NTRK3: variants seen among roughly 807,000 people sequenced by gnomAD.
The protein encoded by NTRK3 is NT-3 growth factor receptor.
In NTRK3, 24 loss-of-function variants were observed where a neutral mutation model predicts 91.7. The observed-to-expected ratio is 0.26, with a 90% CI of 0.19 to 0.37. NTRK3 has a LOEUF of 0.37. Ranked by LOEUF, NTRK3 falls within the 10% of genes least tolerant of loss-of-function variation. The probability of loss-of-function intolerance (pLI) is 1.00; values close to 1 mark genes in which losing one functional copy is unlikely to be tolerated. For synonymous variants in NTRK3, 483 were observed against 404.0 expected (o/e 1.20, Z -2.34); for missense variants, 880 against 1,068.9 (o/e 0.82, Z 2.46).
At position 87,886,697 on chromosome 15, in the gene NTRK3, T is replaced by TATATATATATATATATATAC. The variant is rs1335887821; in HGVS notation, c.2134-6270_2134-6269insGTATATATATATATATATAT. Among the ~76,000 whole-genome samples, 305 of 135,796 alleles carry TATATATATATATATATATAC rather than the reference T, an allele frequency of 2.2e-3. 1 individual carries two copies. Among genetic ancestry groups the TATATATATATATATATATAC allele is most frequent in the East Asian group, 7.0e-3 (34 of 4,824 alleles). 89.1% of individuals were successfully genotyped at this position (135,796 alleles called of 152,430 possible). Reference sequence around the variant, plus strand: ...TTTGCTATATATATATATATATATATATACATATATACACACACACACATA... The same window carrying TATATATATATATATATATAC: ...TTTGCTATATATATATATATATATATATATATATATATATATATACATACATATATACACACACACACATA... On this transcript the variant is annotated intron_variant, in intron 17 of 18. Transcript: ENST00000394480.
At chr15:88,254,361 T>C (rs1432707933) in intron 3 of NTRK3, among the ~76,000 whole-genome samples, 5 of 152,104 alleles carry the variant, frequency 3.3e-5, no homozygotes, top group Admixed American at 6.5e-5. Flanking sequence ...GTCCTGTTCC[T>C]CCTGCCCTCC....
chr15:88,139,981 T>C (rs2042238519), intron 6 of NTRK3, among the ~76,000 whole-genome samples: 1 of 151,050 alleles, frequency 6.6e-6, no homozygotes, highest in Non-Finnish European at 1.5e-5. Context: ...CAAAGGGAAG[T>C]TGTAGGTGAG....
At chr15:87,960,593 T>C (rs1490123993) in intron 14 of NTRK3, among the ~76,000 whole-genome samples, 1 of 152,096 alleles carries the variant, frequency 6.6e-6, no homozygotes, top group Non-Finnish European at 1.5e-5. Context: ...CAAGGGATTC[T>C]CCTGCCTCAG....
chr15:87,959,878 T>A (rs2072070107), intron 14 of NTRK3, among the ~76,000 whole-genome samples: 2 of 152,310 alleles, frequency 1.3e-5, no homozygotes, highest in South Asian at 4.1e-4. Flanking sequence ...TCCCAAGGCA[T>A]CCTTGCATGG....
chr15:88,063,229 T>G (rs1277565014), intron 13 of NTRK3, among the ~76,000 whole-genome samples: 1 of 152,240 alleles, frequency 6.6e-6, no homozygotes. Context: ...GCCAGTGATG[T>G]CAACAATGAC....
chr15:87,979,119 G>T (rs1596497368), intron 14 of NTRK3: 1 of 603,672 alleles, frequency 1.7e-6, no homozygotes, highest in East Asian at 2.8e-5. Flanking sequence ...CGTAGGCCGG[G>T]AAAAAAGGAG....
intron 17 of NTRK3, among the ~76,000 whole-genome samples, chr15:87,903,233 AC>A (rs1242658911): frequency 1.3e-5 from 2 of 152,266 alleles, no homozygotes; most frequent in Non-Finnish European, 1.5e-5. Context: ...AGGCGGTGTC[AC>A]AATTCTTGTA....
intron 3 of NTRK3, among the ~76,000 whole-genome samples, chr15:88,190,732 A>G (rs2047318276): frequency 1.3e-5 from 2 of 152,184 alleles, no homozygotes. Flanking sequence ...ACCGGAAGCC[A>G]GATGCCTTCA....
chr15:87,943,546 C>T (rs1247866896), intron 14 of NTRK3, among the ~76,000 whole-genome samples: 1 of 152,112 alleles, frequency 6.6e-6, no homozygotes, highest in Non-Finnish European at 1.5e-5. Flanking sequence ...GCTGGGAGAC[C>T]TCACCAGCTC....
chr15:88,182,988 A>G lies in NTRK3; in HGVS notation c.395+430T>C, dbSNP rs151257413. On this transcript the variant is annotated intron_variant, in intron 5 of 18. Coordinates refer to ENST00000394480, the Ensembl canonical transcript of NTRK3. ...CTATTTAGACATAACACTGGCTATT[A>G]GCCATACTTTCTTTCTTCTTGCAAC... Among the ~76,000 whole-genome samples the G allele has an allele frequency of 6.7e-3, 1,012 of 151,676 alleles. 15 individuals carry two copies. The highest frequency in any genetic ancestry group is 0.023 in the African/African-American group (965 of 41,284).
chr15:87,866,940 C>A, exon 19 of NTRK3: 1 of 214,986 alleles, frequency 4.7e-6, no homozygotes, highest in East Asian at 6.9e-5. Context: ...TATCCACTCT[C>A]ATAGGGGCCT....
rs550372900 is a variant in NTRK3 at position 88,249,636 on chromosome 15, G to A, written c.248+6270C>T. Among the ~76,000 whole-genome samples the A allele has an allele frequency of 1.8e-3, 273 of 152,236 alleles. 3 individuals carry two copies. Among genetic ancestry groups the A allele is most frequent in the Non-Finnish European group, 5.1e-4 (35 of 68,016 alleles). ...GGTAAGCCCTGCACTTAGAGGCGGCGGAAATGGGAAGAGCCTCCTTGGGGG... is the reference window on the plus strand; with the variant it reads ...GGTAAGCCCTGCACTTAGAGGCGGCAGAAATGGGAAGAGCCTCCTTGGGGG... On this transcript the variant is annotated intron_variant, in intron 3 of 18. Coordinates refer to ENST00000394480, the Ensembl canonical transcript of NTRK3.
chr15:88,114,638 C>T (rs1423463320), intron 13 of NTRK3, among the ~76,000 whole-genome samples: 2 of 152,302 alleles, frequency 1.3e-5, no homozygotes, highest in East Asian at 3.9e-4. Context: ...AATGTGAATA[C>T]AAGCTTGCAT....
intron 5 of NTRK3, among the ~76,000 whole-genome samples, chr15:88,159,943 TAC>T (rs59254719): frequency 0.049 from 5,518 of 111,870 alleles, 177 homozygotes; most frequent in East Asian, 0.094. Flanking sequence ...CCCAGCCTCC[TAC>T]ACACACACAC....
At chr15:88,008,985 G>C (rs931382299) in intron 14 of NTRK3, among the ~76,000 whole-genome samples, 1 of 152,106 alleles carries the variant, frequency 6.6e-6, no homozygotes, top group Non-Finnish European at 1.5e-5. Context: ...CTACTCTCAG[G>C]TTAAAGAAGA....
chr15:88,249,492 G>T (rs1392331877), intron 3 of NTRK3, among the ~76,000 whole-genome samples: 1 of 152,166 alleles, frequency 6.6e-6, no homozygotes, highest in Non-Finnish European at 1.5e-5. Context: ...CCCGGGAAGA[G>T]AAGTCTTCGA....
intron 14 of NTRK3, among the ~76,000 whole-genome samples, chr15:88,007,382 C>A (rs1179159293): frequency 3.9e-5 from 6 of 152,064 alleles, no homozygotes; most frequent in African/African-American, 1.4e-4. Flanking sequence ...ACAATCAGGA[C>A]CAGGGAATGG....
At chr15:88,186,576 T>A (rs116289358) in intron 3 of NTRK3, among the ~76,000 whole-genome samples, 2,304 of 152,278 alleles carry the variant, frequency 0.015, 56 homozygotes, top group African/African-American at 0.053. Flanking sequence ...GCAGTGGTCG[T>A]CAAGCTACAG....
intron 14 of NTRK3, among the ~76,000 whole-genome samples, chr15:88,026,415 T>C (rs373114924): frequency 6.6e-6 from 1 of 152,194 alleles, no homozygotes; most frequent in Non-Finnish European, 1.5e-5. Flanking sequence ...TCCAACAATA[T>C]GACATGTGGA....
Sources: allele counts gnomAD v4.1 joint callset (sites outside exome capture counted in the v4.1 genomes callset), GRCh38; gene constraint gnomAD v4.1.1; transcripts MANE v1.5; gene names NCBI Gene and HGNC (gene_info 2026-07-23, HGNC 2026-07-21).